The following RBFOX3 variants were observed in gnomAD, a reference collection of about 807,000 sequenced individuals.
The protein encoded by RBFOX3 is RNA binding protein fox-1 homolog 3.
Under a neutral mutation model 48.7 loss-of-function variants are expected in RBFOX3, and 17 were observed. That is an observed-to-expected ratio of 0.35 (90% confidence interval 0.24 to 0.52). The LOEUF is 0.52. Among genes scored for constraint, RBFOX3 ranks in the 20% least tolerant of loss-of-function variants. RBFOX3 has a pLI of 0.94. For missense variants in RBFOX3, 382 were observed against 497.5 expected (o/e 0.77, Z 2.21); for synonymous variants, 212 against 209.5 (o/e 1.01, Z -0.10).
chr17:79,111,713 G>A lies in RBFOX3; in HGVS notation c.222+3781C>T, dbSNP rs376490336. On this transcript the variant is annotated intron_variant, in intron 5 of 14. Transcript: ENST00000693108. This position sits in a 1 kb window ranked among gnomAD's most constrained non-coding sequence, Gnocchi z 4.2. The stretch of plus-strand genomic sequence containing the variant: ...CTCCCGAAGTGCTGGGGTGACAGGC[G>A]TGAGCCAACATGCCCGGCCCGTTAG... Among the ~76,000 whole-genome samples, 161 of 152,352 alleles carry A rather than the reference G, an allele frequency of 1.1e-3. 4 individuals carry two copies. In the South Asian group the frequency reaches 0.032, roughly 30 times the overall value.
At chr17:79,236,744 G>C (rs890607856) in intron 3 of RBFOX3, among the ~76,000 whole-genome samples, 1 of 152,118 alleles carries the variant, frequency 6.6e-6, no homozygotes, top group Non-Finnish European at 1.5e-5. Flanking sequence ...CGGGGCCAGG[G>C]TATCCACTCC....
At chr17:79,117,964 T>C (rs893414876) in intron 4 of RBFOX3, among the ~76,000 whole-genome samples, 3 of 152,144 alleles carry the variant, frequency 2.0e-5, no homozygotes, top group African/African-American at 7.2e-5. Context: ...GGTGTTCTGC[T>C]TCAGACCCGG....
At chr17:79,618,646 T>A in the RBFOX3 span, among the ~76,000 whole-genome samples, 1 of 152,048 alleles carries the variant, frequency 6.6e-6, no homozygotes, top group African/African-American at 2.4e-5. Context: ...TCTGGACAAA[T>A]GGATTTTCCG....
intron 4 of RBFOX3, among the ~76,000 whole-genome samples, chr17:79,194,742 CTGTGTGTGTGGG>C (rs1385416514): frequency 2.0e-5 from 1 of 50,816 alleles, no homozygotes; most frequent in African/African-American, 8.9e-5. Context: ...GAGACACTCC[CTGTGTGTGTGGG>C]TGTGTGTGTG....
chr17:79,265,199 C>A (rs1053315926), intron 3 of RBFOX3, among the ~76,000 whole-genome samples: 12 of 152,236 alleles, frequency 7.9e-5, no homozygotes, highest in African/African-American at 2.9e-4. Context: ...ACCCTTCAGC[C>A]TGGAGGAATG....
chr17:79,351,131 T>G (rs889360736), intron 2 of RBFOX3, among the ~76,000 whole-genome samples: 1 of 152,262 alleles, frequency 6.6e-6, no homozygotes, highest in African/African-American at 2.4e-5. Context: ...TATTCATGGA[T>G]AGACCACATT....
chr17:79,544,563 C>T (rs576193189), intron 1 of RBFOX3, among the ~76,000 whole-genome samples: 5 of 152,100 alleles, frequency 3.3e-5, no homozygotes, highest in South Asian at 2.1e-4. Context: ...CGTCGGAGTA[C>T]CCCGACCCTC....
At chr17:79,174,735 GCACA>G (rs1222576290) in intron 4 of RBFOX3, among the ~76,000 whole-genome samples, 12 of 152,082 alleles carry the variant, frequency 7.9e-5, no homozygotes, top group African/African-American at 2.9e-4. Flanking sequence ...GCATTCACAC[GCACA>G]CATACACTGA....
intron 1 of RBFOX3, among the ~76,000 whole-genome samples, chr17:79,589,936 G>A (rs2093368375): frequency 6.6e-6 from 1 of 152,142 alleles, no homozygotes; most frequent in Non-Finnish European, 1.5e-5. Flanking sequence ...ACAGATTCTG[G>A]AAAATGAAGC....
At chr17:79,297,354 C>G (rs2074561594) in intron 3 of RBFOX3, among the ~76,000 whole-genome samples, 1 of 152,164 alleles carries the variant, frequency 6.6e-6, no homozygotes, top group Non-Finnish European at 1.5e-5. Context: ...GAGCCGTGTG[C>G]CTTTGGGAAG....
Position 79,115,432 on chromosome 17 carries a change from T to G in RBFOX3, c.222+62A>C, listed in dbSNP as rs867369896. ...CTCATGCCCTTCTGGGCCACCCTTCTTCTGGGTGGGTGCTCCTCCCTGAAG... is the reference window on the plus strand; with the variant it reads ...CTCATGCCCTTCTGGGCCACCCTTCGTCTGGGTGGGTGCTCCTCCCTGAAG... On this transcript the variant is annotated intron_variant, in intron 5 of 14. Coordinates refer to ENST00000693108, the MANE Select transcript of RBFOX3 (RefSeq NM_001350451.2). 1.3e-5 allele frequency: 15 copies of G among 1,112,392 alleles called. No individual in the cohort carries two copies. In the African/African-American group the frequency reaches 2.0e-4, roughly 14 times the overall value. The allele number at this position is 1,112,392 out of a possible 1,614,324, so 68.9% of individuals were successfully genotyped here.
At position 79,216,682 on chromosome 17, in the gene RBFOX3, G is replaced by A. The variant is rs147610427; in HGVS notation, c.-34+19084C>T. Among the ~76,000 whole-genome samples the A allele has an allele frequency of 7.6e-3, 1,157 of 152,280 alleles. 9 individuals are homozygous for A. The highest frequency in any genetic ancestry group is 0.012 in the Non-Finnish European group (807 of 68,010). ...GGGTCACATGCCCACCCGTTCTGGC[G>A]TCTCCCTGTCCTGCCAGCAAATATC... On this transcript the variant is annotated intron_variant, in intron 4 of 14. Transcript: ENST00000693108.
At chr17:79,487,503 C>T (rs1249192220) in intron 1 of RBFOX3, among the ~76,000 whole-genome samples, 1 of 152,222 alleles carries the variant, frequency 6.6e-6, no homozygotes, top group Non-Finnish European at 1.5e-5. Context: ...TCCTCGTCCT[C>T]AGCCCCCCGT....
chr17:79,249,348 G>T lies in RBFOX3; in HGVS notation c.-73-13543C>A, dbSNP rs970936308. Among the ~76,000 whole-genome samples, 1 of 152,096 alleles carries T rather than the reference G, an allele frequency of 6.6e-6. No individual in the cohort carries two copies. The highest frequency in any genetic ancestry group is 1.5e-5 in the Non-Finnish European group (1 of 68,012). On this transcript the variant is annotated intron_variant, in intron 3 of 14. Coordinates refer to ENST00000693108, the MANE Select transcript of RBFOX3 (RefSeq NM_001350451.2). This position sits in a 1 kb window ranked among gnomAD's most constrained non-coding sequence, Gnocchi z 4.1. ...CCCTCTGTTCCCTGTGTCTCGGCCC[G>T]CTCGGCTCCAATGCTGCTGCAGTCA...
At chr17:79,451,519 G>A (rs1249223361) in intron 2 of RBFOX3, among the ~76,000 whole-genome samples, 4 of 152,222 alleles carry the variant, frequency 2.6e-5, no homozygotes, top group Non-Finnish European at 5.9e-5. Context: ...TGTTCAGCCT[G>A]AATCAGGGGG....
intron 1 of RBFOX3, among the ~76,000 whole-genome samples, chr17:79,584,377 T>C (rs1270944879): frequency 6.6e-6 from 1 of 152,124 alleles, no homozygotes; most frequent in Non-Finnish European, 1.5e-5. Flanking sequence ...GATCCAACAA[T>C]CCCACTACCA....
chr17:79,318,853 T>A (rs1427744344), intron 2 of RBFOX3, among the ~76,000 whole-genome samples: 3 of 13,138 alleles, frequency 2.3e-4, no homozygotes, highest in South Asian at 3.7e-3. Flanking sequence ...AGACTCCATC[T>A]CAAAAAAAAA....
At position 79,479,837 on chromosome 17, in the gene RBFOX3, C is replaced by G. The variant is rs2078518528; in HGVS notation, c.-175+2617G>C. Reference sequence around the variant, plus strand: ...ATGGGAGATGGTGCTACCGTCACGGCCTGCAGGATGTCTGTACGTCAGGGC... The same window carrying G: ...ATGGGAGATGGTGCTACCGTCACGGGCTGCAGGATGTCTGTACGTCAGGGC... On this transcript the variant is annotated intron_variant, in intron 2 of 14. Transcript: ENST00000693108. This position sits in a 1 kb window ranked among gnomAD's most constrained non-coding sequence, Gnocchi z 5.1. Among the ~76,000 whole-genome samples the G allele has an allele frequency of 6.6e-6, 1 of 152,176 alleles. No homozygotes were observed. Among genetic ancestry groups the G allele is most frequent in the Non-Finnish European group, 1.5e-5 (1 of 68,020 alleles).
chr17:79,127,542 G>A (rs1353177160), intron 4 of RBFOX3, among the ~76,000 whole-genome samples: 1 of 152,122 alleles, frequency 6.6e-6, no homozygotes, highest in African/African-American at 2.4e-5. Flanking sequence ...AGAAGTTTTA[G>A]GGAAAATAAA....
Sources: allele counts gnomAD v4.1 joint callset (sites outside exome capture counted in the v4.1 genomes callset), GRCh38; gene constraint gnomAD v4.1.1; non-coding constraint Gnocchi (gnomAD v3.1); transcripts MANE v1.5; gene names NCBI Gene and HGNC (gene_info 2026-07-23, HGNC 2026-07-21).